Variants in HYCC2 observed in about 807,000 individuals in gnomAD.
HYCC2 encodes hyccin PI4KA lipid kinase complex subunit 2.
chr2:201,027,672 A>G, the HYCC2 span, among the ~76,000 whole-genome samples: 2 of 152,206 alleles, frequency 1.3e-5, no homozygotes, highest in Non-Finnish European at 2.9e-5. Context: ...ACGCAAATCA[A>G]TAAACGTAAC....
At chr2:201,033,161 G>GTA in the HYCC2 span, among the ~76,000 whole-genome samples, 1 of 80,706 alleles carries the variant, frequency 1.2e-5, no homozygotes, top group Non-Finnish European at 3.5e-5. Flanking sequence ...GTGTGTGTAT[G>GTA]TGTGTGTGTG....
the HYCC2 span, among the ~76,000 whole-genome samples, chr2:200,994,804 C>G: frequency 1.3e-5 from 2 of 151,928 alleles, no homozygotes; most frequent in African/African-American, 4.8e-5. Flanking sequence ...AGTTCAAGAC[C>G]AGCCTGGACA....
At chr2:201,059,704 A>G in the HYCC2 span, among the ~76,000 whole-genome samples, 1 of 152,122 alleles carries the variant, frequency 6.6e-6, no homozygotes, top group East Asian at 1.9e-4. Flanking sequence ...ACAACAGCCC[A>G]TAGTACTCAA....
the HYCC2 span, among the ~76,000 whole-genome samples, chr2:201,046,801 G>A: frequency 6.6e-6 from 1 of 152,132 alleles, no homozygotes; most frequent in Non-Finnish European, 1.5e-5. Context: ...AAGGTAATTA[G>A]GTCCTTACCA....
the HYCC2 span, among the ~76,000 whole-genome samples, chr2:201,043,595 G>A: frequency 2.0e-5 from 3 of 148,988 alleles, no homozygotes; most frequent in East Asian, 2.0e-4. Context: ...TGCAAGCTCC[G>A]TCTCCCAGGT....
the HYCC2 span, among the ~76,000 whole-genome samples, chr2:201,013,429 C>G: frequency 6.6e-6 from 1 of 150,662 alleles, no homozygotes; most frequent in Non-Finnish European, 1.5e-5. Flanking sequence ...AAGACTGCCA[C>G]TGCACTTCAG....
At chr2:201,036,595 G>A in the HYCC2 span, among the ~76,000 whole-genome samples, 2 of 152,262 alleles carry the variant, frequency 1.3e-5, no homozygotes, top group East Asian at 1.9e-4. Context: ...TTCAACAAAC[G>A]CAAATCAATA....
chr2:201,049,556 C>T, the HYCC2 span, among the ~76,000 whole-genome samples: 1 of 151,252 alleles, frequency 6.6e-6, no homozygotes, highest in African/African-American at 2.4e-5. Flanking sequence ...GGTTTCACCA[C>T]GTTGGCCAGG....
chr2:201,026,711 A>G, the HYCC2 span, among the ~76,000 whole-genome samples: 5 of 152,344 alleles, frequency 3.3e-5, no homozygotes, highest in African/African-American at 1.2e-4. Context: ...CTCCTGAATG[A>G]CTACTGGGTA....
chr2:201,007,218 T>C, the HYCC2 span, among the ~76,000 whole-genome samples: 11 of 152,228 alleles, frequency 7.2e-5, no homozygotes, highest in Admixed American at 6.5e-4. Flanking sequence ...TATGATGGAA[T>C]TGCATACCAA....
At chr2:201,029,232 A>T in the HYCC2 span, among the ~76,000 whole-genome samples, 1 of 152,218 alleles carries the variant, frequency 6.6e-6, no homozygotes, top group African/African-American at 2.4e-5. Flanking sequence ...GTTATCAGAG[A>T]AATGCAAATC....
chr2:201,050,946 A>C, the HYCC2 span, among the ~76,000 whole-genome samples: 1 of 152,222 alleles, frequency 6.6e-6, no homozygotes, highest in African/African-American at 2.4e-5. Context: ...AAAACAAACA[A>C]ACAAACAAAC....
the HYCC2 span, among the ~76,000 whole-genome samples, chr2:201,019,126 A>G: frequency 6.6e-6 from 1 of 152,176 alleles, no homozygotes; most frequent in Non-Finnish European, 1.5e-5. Context: ...TAGAAGTAAA[A>G]AACTGTTGCT....
the HYCC2 span, among the ~76,000 whole-genome samples, chr2:201,050,340 A>C: frequency 6.6e-6 from 1 of 152,110 alleles, no homozygotes; most frequent in South Asian, 2.1e-4. Context: ...AATAGCCCCA[A>C]AGCAAATAAA....
At chr2:201,033,991 A>G in the HYCC2 span, among the ~76,000 whole-genome samples, 12 of 151,884 alleles carry the variant, frequency 7.9e-5, no homozygotes, top group Admixed American at 1.3e-4. Flanking sequence ...AAAAAAAAAA[A>G]GTACCATCTC....
the HYCC2 span, among the ~76,000 whole-genome samples, chr2:201,053,369 AAATCAAAAT>A: frequency 3.3e-5 from 5 of 152,130 alleles, no homozygotes; most frequent in Non-Finnish European, 5.9e-5. Flanking sequence ...GTGATCTGTA[AAATCAAAAT>A]CTGGAACTAT....
At chr2:201,023,834 C>T in the HYCC2 span, 5 of 663,782 alleles carry the variant, frequency 7.5e-6, no homozygotes, top group Admixed American at 6.0e-5. Flanking sequence ...TTGCCATTTC[C>T]ACTTCCTACC....
chr2:200,992,289 G>A, the HYCC2 span: 10 of 1,598,222 alleles, frequency 6.3e-6, no homozygotes, highest in South Asian at 9.9e-5. Context: ...ACCAATAGTG[G>A]TTGAGAAAAA....
the HYCC2 span, among the ~76,000 whole-genome samples, chr2:201,036,296 C>G: frequency 6.6e-6 from 1 of 152,120 alleles, no homozygotes; most frequent in Non-Finnish European, 1.5e-5. Context: ...GGATTCACAG[C>G]CAAATTCTAC....
Sources: allele counts gnomAD v4.1 joint callset (sites outside exome capture counted in the v4.1 genomes callset), GRCh38; gene constraint gnomAD v4.1.1; transcripts MANE v1.5; gene names NCBI Gene and HGNC (gene_info 2026-07-23, HGNC 2026-07-21).